The following RB1CC1 variants were observed in gnomAD, a reference collection of about 807,000 sequenced individuals.
RB1CC1 encodes RB1-inducible coiled-coil protein 1.
Under a neutral mutation model 177.5 loss-of-function variants are expected in RB1CC1, and 46 were observed. The observed-to-expected ratio is 0.26, with a 90% CI of 0.20 to 0.33. The LOEUF (loss-of-function observed/expected upper bound fraction) is 0.33, where lower values mean the gene tolerates loss of function less well. Among genes scored for constraint, RB1CC1 ranks in the 10% least tolerant of loss-of-function variants. RB1CC1 has a pLI of 1.00. For synonymous variants in RB1CC1, 666 were observed against 613.6 expected (o/e 1.09, Z -1.26); for missense variants, 1,703 against 1,816.3 (o/e 0.94, Z 1.13).
At position 52,657,338 on chromosome 8, in the gene RB1CC1, A is replaced by C; in HGVS notation, c.2491T>G (p.Cys831Gly). Residue 831 changes from cysteine to glycine, a missense_variant, in exon 15 of 24, where the codon TGT (cysteine) becomes GGT (glycine). Physicochemically the swap from Cys to Gly is radical, Grantham distance 159. Coordinates refer to ENST00000025008, the MANE Select transcript of RB1CC1 (RefSeq NM_014781.5). ...HFRTFVQKEQ[C>G]DFSNSLKCTA... Reference sequence around the variant, plus strand: ...CATTTTAATGAATTTGAGAAGTCACACTGTTCTTTTTGTACAAATGTTCTA... The same window carrying C: ...CATTTTAATGAATTTGAGAAGTCACCCTGTTCTTTTTGTACAAATGTTCTA... The C allele has an allele frequency of 1.2e-6, 2 of 1,613,754 alleles. No individual in the cohort carries two copies. Among genetic ancestry groups the C allele is most frequent in the Non-Finnish European group, 1.7e-6 (2 of 1,179,756 alleles).
intron 8 of RB1CC1, among the ~76,000 whole-genome samples, chr8:52,666,040 C>A (rs1049444587): frequency 6.6e-6 from 1 of 152,032 alleles, no homozygotes; most frequent in African/African-American, 2.4e-5. Flanking sequence ...TCCAATCATC[C>A]AAATCTCTGA....
intron 6 of RB1CC1, among the ~76,000 whole-genome samples, chr8:52,675,328 A>G (rs1040868374): frequency 2.4e-4 from 37 of 152,184 alleles, no homozygotes; most frequent in African/African-American, 8.0e-4. Context: ...GATTAAAACC[A>G]GAACATGCTA....
chr8:52,710,079 C>T (rs943553381), intron 1 of RB1CC1, among the ~76,000 whole-genome samples: 4 of 152,206 alleles, frequency 2.6e-5, no homozygotes, highest in Non-Finnish European at 5.9e-5. Context: ...TCACGGGCTA[C>T]TGCATCAATG....
intron 1 of RB1CC1, among the ~76,000 whole-genome samples, chr8:52,692,299 T>C (rs1273830398): frequency 6.6e-6 from 1 of 152,168 alleles, no homozygotes; most frequent in Admixed American, 6.5e-5. Context: ...TATATAAAAC[T>C]CCATGATACC....
Position 52,642,503 on chromosome 8 carries a change from G to GCTA in RB1CC1, c.4182_4184dup (p.Ser1396dup), listed in dbSNP as rs1849670832. 1 of 1,613,832 alleles carries GCTA rather than the reference G, an allele frequency of 6.2e-7. No individual in the cohort carries two copies. Among genetic ancestry groups the GCTA allele is most frequent in the African/African-American group, 1.3e-5 (1 of 74,870 alleles). On this transcript the variant is annotated inframe_insertion, in exon 18 of 24. Transcript: ENST00000025008. Reference sequence around the variant, plus strand: ...CTACATATGGTGAAGGAACAAAACTGCTACTACGCAACTTACTGACTTCTT... The same window carrying GCTA: ...CTACATATGGTGAAGGAACAAAACTGCTACTACTACGCAACTTACTGACTTCTT...
chr8:52,671,459 G>A (rs1022010265), intron 7 of RB1CC1, among the ~76,000 whole-genome samples: 4 of 152,114 alleles, frequency 2.6e-5, no homozygotes, highest in African/African-American at 7.2e-5. Flanking sequence ...TAAAATGAGA[G>A]TAAAAAACCA....
At chr8:52,639,642 A>G (rs1373772263) in intron 18 of RB1CC1, among the ~76,000 whole-genome samples, 1 of 152,186 alleles carries the variant, frequency 6.6e-6, no homozygotes, top group African/African-American at 2.4e-5. Flanking sequence ...ATCTACTCCT[A>G]GTTTGCTAAG....
intron 15 of RB1CC1, among the ~76,000 whole-genome samples, chr8:52,649,945 G>C (rs758323942): frequency 2.0e-5 from 3 of 152,132 alleles, no homozygotes; most frequent in Admixed American, 6.5e-5. Flanking sequence ...CAAGTGGACC[G>C]AACAGTATCT....
chr8:52,696,732 G>T (rs1044440857), intron 1 of RB1CC1, among the ~76,000 whole-genome samples: 4 of 152,326 alleles, frequency 2.6e-5, no homozygotes, highest in East Asian at 1.9e-4. Context: ...GCTGGGCACA[G>T]TGGCTCATGC....
chr8:52,656,744 G>C lies in RB1CC1; in HGVS notation c.3085C>G (p.Gln1029Glu), dbSNP rs1168072414. ...TGGATAATTTCAGCATGAGATTCTTGTATTTGATTAATTATTTGTTGGTTT... is the reference window on the plus strand; with the variant it reads ...TGGATAATTTCAGCATGAGATTCTTCTATTTGATTAATTATTTGTTGGTTT... ...KENQQIINQI[Q>E]ESHAEIIQEK... The change falls in exon 15 of 24, where the codon CAA becomes GAA. Residue 1029 changes from glutamine (Q) to glutamate (E), a missense_variant. Physicochemically the swap from Gln to Glu is conservative, Grantham distance 29. Around this residue, in one of 6 missense-constraint regions of RB1CC1, gnomAD observed 1,169 missense variants for 1,184.7 expected, o/e 0.99. Coordinates refer to ENST00000025008, the MANE Select transcript of RB1CC1 (RefSeq NM_014781.5). The C allele has an allele frequency of 6.2e-7, 1 of 1,613,642 alleles. No homozygotes were observed. The highest frequency in any genetic ancestry group is 1.3e-5 in the African/African-American group (1 of 74,986).
chr8:52,693,329 A>G (rs1047220130), intron 1 of RB1CC1, among the ~76,000 whole-genome samples: 1 of 152,256 alleles, frequency 6.6e-6, no homozygotes, highest in Non-Finnish European at 1.5e-5. Flanking sequence ...ATCAGAGTGA[A>G]CAGACAACCT....
intron 1 of RB1CC1, among the ~76,000 whole-genome samples, chr8:52,709,556 T>C (rs554207659): frequency 2.6e-5 from 4 of 152,226 alleles, no homozygotes; most frequent in African/African-American, 9.6e-5. Flanking sequence ...CTGGGAAACA[T>C]GGTGAAACCC....
chr8:52,679,408 G>C (rs1563429266), intron 5 of RB1CC1, among the ~76,000 whole-genome samples: 1 of 152,154 alleles, frequency 6.6e-6, no homozygotes, highest in Admixed American at 6.5e-5. Context: ...TGCTTCCTCT[G>C]TCTTACTGTT....
chr8:52,713,081 T>C (rs559887803), intron 1 of RB1CC1, among the ~76,000 whole-genome samples: 2 of 152,330 alleles, frequency 1.3e-5, no homozygotes, highest in South Asian at 2.1e-4. Context: ...GTATAAATCA[T>C]ACAAGCTTCA....
intron 1 of RB1CC1, among the ~76,000 whole-genome samples, chr8:52,708,360 C>CA (rs1856768590): frequency 1.3e-5 from 2 of 151,978 alleles, no homozygotes; most frequent in South Asian, 4.1e-4. Flanking sequence ...GCTAAAAATA[C>CA]AAAAAAATTA....
At chr8:52,649,233 T>C (rs1850337700) in intron 15 of RB1CC1, among the ~76,000 whole-genome samples, 2 of 152,214 alleles carry the variant, frequency 1.3e-5, no homozygotes, top group African/African-American at 4.8e-5. Flanking sequence ...TGCATAATCC[T>C]GTCTTTGCAT....
Position 52,624,714 on chromosome 8 carries a change from T to C in RB1CC1, c.4707+3A>G. The C allele has an allele frequency of 1.3e-6, 2 of 1,585,638 alleles. No individual in the cohort carries two copies. The highest frequency in any genetic ancestry group is 1.7e-6 in the Non-Finnish European group (2 of 1,155,852). On this transcript the variant is annotated splice_donor_region_variant and intron_variant, in intron 23 of 23. Transcript: ENST00000025008. ...GCTTAGTATCACATGATGTCGTTTT[T>C]ACCTTTTTGGCTTGACAGTATTCTT...
Position 52,645,724 on chromosome 8 carries a change from G to A in RB1CC1, c.3965C>T (p.Thr1322Ile). Residue 1322 changes from threonine to isoleucine, a missense_variant, in exon 16 of 24, where the codon ACA becomes ATA. Physicochemically the swap from Thr to Ile is moderately conservative, Grantham distance 89 (BLOSUM62 -1). This residue lies in a region of RB1CC1 where 1,169 missense variants were observed against 1,184.7 expected (regional missense o/e 0.99). Coordinates refer to ENST00000025008, the MANE Select transcript of RB1CC1 (RefSeq NM_014781.5). ...GACCTGTTGTTCCGCAATCAAAGAT[G>A]TTCGAACATTTTGCATTTCTTCATT... is the stretch of plus-strand genomic sequence containing the variant. Reference protein sequence around the residue: ...RKNEEMQNVRTSLIAEQQTNF... With the variant: ...RKNEEMQNVRISLIAEQQTNF... 3 of 1,612,800 alleles carry A rather than the reference G, an allele frequency of 1.9e-6. No individual in the cohort carries two copies. Among genetic ancestry groups the A allele is most frequent in the Middle Eastern group, 1.7e-4 (1 of 6,042 alleles).
At chr8:52,669,010 A>C (rs1291443297) in intron 7 of RB1CC1, among the ~76,000 whole-genome samples, 1 of 152,188 alleles carries the variant, frequency 6.6e-6, no homozygotes, top group Non-Finnish European at 1.5e-5. Flanking sequence ...TGTTCTCAAT[A>C]TGATTTCAGC....
Sources: gnomAD v4.1 joint callset for allele counts (sites outside exome capture counted in the v4.1 genomes callset) on GRCh38, gnomAD v4.1.1 for gene constraint, gnomAD v4.1.1 regional missense constraint, MANE v1.5 for transcripts, NCBI Gene and HGNC (gene_info 2026-07-23, HGNC 2026-07-21) for gene names.